CHSY3: variants seen among roughly 807,000 people sequenced by gnomAD.
CHSY3 encodes the protein chondroitin sulfate synthase 3.
A neutral mutation model predicts 67.2 loss-of-function variants in CHSY3; 35 were observed. The observed-to-expected ratio is 0.52, with a 90% CI of 0.40 to 0.69. The LOEUF is 0.69. Among genes scored for constraint, CHSY3 ranks in the 30% least tolerant of loss-of-function variants. CHSY3 has a pLI of 0.00. For missense variants in CHSY3, 1,069 were observed against 1,138.5 expected, an observed-to-expected ratio of 0.94 and a Z score of 0.88; for synonymous variants, 474 against 434.7, an observed-to-expected ratio of 1.09 and a Z score of -1.12.
intron 2 of CHSY3, among the ~76,000 whole-genome samples, chr5:130,056,257 A>G (rs1184506402): frequency 1.3e-5 from 2 of 149,990 alleles, no homozygotes; most frequent in African/African-American, 5.1e-5. Flanking sequence ...TTCATCAGAA[A>G]GAGAAGTTTG....
chr5:130,061,212 A>G (rs1393695800), intron 2 of CHSY3, among the ~76,000 whole-genome samples: 1 of 152,158 alleles, frequency 6.6e-6, no homozygotes. Flanking sequence ...ACAAAAATAG[A>G]TACTTTGATC....
chr5:129,964,171 T>A (rs1342230374), intron 2 of CHSY3, among the ~76,000 whole-genome samples: 2 of 151,912 alleles, frequency 1.3e-5, no homozygotes, highest in African/African-American at 4.8e-5. Context: ...AAGTTGTTTT[T>A]AGAGAAGAAA....
At chr5:130,093,377 GA>G (rs1237209534) in intron 2 of CHSY3, among the ~76,000 whole-genome samples, 1 of 152,086 alleles carries the variant, frequency 6.6e-6, no homozygotes, top group Non-Finnish European at 1.5e-5. Flanking sequence ...TAACCACATT[GA>G]AGTTTTTTGG....
intron 2 of CHSY3, among the ~76,000 whole-genome samples, chr5:130,066,789 G>A (rs974746998): frequency 2.0e-5 from 3 of 152,100 alleles, no homozygotes; most frequent in Non-Finnish European, 4.4e-5. Context: ...GGACCAGCCA[G>A]GGAACACAAA....
At chr5:129,993,847 A>G (rs955899575) in intron 2 of CHSY3, among the ~76,000 whole-genome samples, 2 of 151,412 alleles carry the variant, frequency 1.3e-5, no homozygotes, top group African/African-American at 4.8e-5. Context: ...AGTGGCTGGT[A>G]CTGGTTGTTC....
At chr5:129,924,592 G>A (rs1010525710) in intron 2 of CHSY3, among the ~76,000 whole-genome samples, 1 of 149,846 alleles carries the variant, frequency 6.7e-6, no homozygotes, top group African/African-American at 2.5e-5. Flanking sequence ...GTTGCAGTGA[G>A]CCGAGATCAT....
At chr5:130,014,794 C>T (rs758385315) in intron 2 of CHSY3, among the ~76,000 whole-genome samples, 1 of 151,928 alleles carries the variant, frequency 6.6e-6, no homozygotes, top group African/African-American at 2.4e-5. Context: ...AACATCAGCC[C>T]CAGCAAAAAT....
chr5:129,926,740 G>T (rs537372239), intron 2 of CHSY3, among the ~76,000 whole-genome samples: 1 of 151,580 alleles, frequency 6.6e-6, no homozygotes, highest in Admixed American at 6.6e-5. Context: ...TTGAGCGTTT[G>T]CTCTTCTGAT....
chr5:130,053,399 G>A (rs1383057570), intron 2 of CHSY3, among the ~76,000 whole-genome samples: 2 of 152,096 alleles, frequency 1.3e-5, no homozygotes, highest in Non-Finnish European at 1.5e-5. Flanking sequence ...TTAGTGAATT[G>A]GAGGTGGGAA....
chr5:130,092,664 G>T (rs1766918355), intron 2 of CHSY3, among the ~76,000 whole-genome samples: 1 of 152,136 alleles, frequency 6.6e-6, no homozygotes, highest in African/African-American at 2.4e-5. Context: ...CCAGGGGTTT[G>T]GTATAGGTCC....
intron 2 of CHSY3, among the ~76,000 whole-genome samples, chr5:129,958,790 C>A (rs1231209207): frequency 3.9e-5 from 6 of 152,036 alleles, no homozygotes; most frequent in African/African-American, 1.4e-4. Flanking sequence ...TTTCAGCTAC[C>A]CAAAGTGCTG....
intron 2 of CHSY3, among the ~76,000 whole-genome samples, chr5:129,937,544 GT>G (rs1761540752): frequency 6.6e-6 from 1 of 151,896 alleles, no homozygotes; most frequent in Non-Finnish European, 1.5e-5. Context: ...CTCCTCAACA[GT>G]CCCTGAAAGT....
chr5:130,030,148 A>G (rs2149659465), intron 2 of CHSY3, among the ~76,000 whole-genome samples: 1 of 152,154 alleles, frequency 6.6e-6, no homozygotes, highest in Admixed American at 6.6e-5. Flanking sequence ...TTTTGTCTAT[A>G]TTTAACCACA....
chr5:129,941,876 C>G (rs1244180907), intron 2 of CHSY3, among the ~76,000 whole-genome samples: 1 of 152,140 alleles, frequency 6.6e-6, no homozygotes, highest in Non-Finnish European at 1.5e-5. Context: ...AAGCTGGGGT[C>G]CCCACAACCC....
At chr5:130,040,678 A>G (rs574674457) in intron 2 of CHSY3, among the ~76,000 whole-genome samples, 112 of 152,238 alleles carry the variant, frequency 7.4e-4, no homozygotes, top group African/African-American at 2.6e-3. Flanking sequence ...CTTCATGGGC[A>G]CTCAAAATGA....
chr5:129,968,640 G>A (rs1191265399), intron 2 of CHSY3, among the ~76,000 whole-genome samples: 2 of 151,862 alleles, frequency 1.3e-5, no homozygotes, highest in South Asian at 2.1e-4. Flanking sequence ...GTAAAGGACA[G>A]GTGTTTCTCA....
At chr5:130,129,777 T>C (rs1768420944) in intron 2 of CHSY3, among the ~76,000 whole-genome samples, 1 of 152,168 alleles carries the variant, frequency 6.6e-6, no homozygotes, top group African/African-American at 2.4e-5. Flanking sequence ...ACTTGAAGTC[T>C]CATTCTCCTT....
At chr5:130,054,282 G>A (rs1765457554) in intron 2 of CHSY3, among the ~76,000 whole-genome samples, 1 of 151,992 alleles carries the variant, frequency 6.6e-6, no homozygotes, top group South Asian at 2.1e-4. Context: ...TTTTATTATG[G>A]ATATAGCCTC....
chr5:129,940,153 C>T (rs1481400534), intron 2 of CHSY3, among the ~76,000 whole-genome samples: 1 of 152,048 alleles, frequency 6.6e-6, no homozygotes, highest in African/African-American at 2.4e-5. Context: ...CCTACATACA[C>T]CATGCAGTGT....
Sources: gnomAD v4.1 joint callset for allele counts (sites outside exome capture counted in the v4.1 genomes callset) on GRCh38, gnomAD v4.1.1 for gene constraint, MANE v1.5 for transcripts, NCBI Gene and HGNC (gene_info 2026-07-23, HGNC 2026-07-21) for gene names.